CAST: variants seen among roughly 807,000 people sequenced by gnomAD.
CAST encodes MIR583 host.
CAST carries 76 observed loss-of-function variants against 119.6 expected under a neutral mutation model. The observed-to-expected ratio is 0.64, with a 90% CI of 0.53 to 0.77. CAST has a LOEUF of 0.77. Ranked by LOEUF, CAST falls within the 30% of genes least tolerant of loss-of-function variation. The pLI, the probability that CAST is intolerant of heterozygous loss-of-function variation, is 0.00. For missense variants in CAST, 953 were observed against 946.5 expected (o/e 1.01, Z -0.09); for synonymous variants, 319 against 331.6 (o/e 0.96, Z 0.41).
chr5:96,061,721 G>A, the CAST span, among the ~76,000 whole-genome samples: 1 of 151,900 alleles, frequency 6.6e-6, no homozygotes, highest in East Asian at 1.9e-4. Flanking sequence ...ATGAAGTCAT[G>A]GACTATGGAA....
At chr5:96,297,602 A>G in the CAST span, among the ~76,000 whole-genome samples, 4 of 152,334 alleles carry the variant, frequency 2.6e-5, no homozygotes, top group Admixed American at 6.5e-5. Flanking sequence ...TCTTGCTGTT[A>G]ACTAAGCAGG....
chr5:96,005,847 T>A, the CAST span, among the ~76,000 whole-genome samples: 1 of 152,136 alleles, frequency 6.6e-6, no homozygotes, highest in African/African-American at 2.4e-5. Context: ...TACAACGTAA[T>A]GCATACTCTA....
chr5:96,283,634 T>C, the CAST span, among the ~76,000 whole-genome samples: 6 of 152,232 alleles, frequency 3.9e-5, no homozygotes, highest in Non-Finnish European at 7.3e-5. Flanking sequence ...CAGCATCCAC[T>C]GTTGAACAAT....
chr5:96,182,799 C>A, the CAST span, among the ~76,000 whole-genome samples: 1 of 151,946 alleles, frequency 6.6e-6, no homozygotes, highest in East Asian at 1.9e-4. Flanking sequence ...TTACTTTTTG[C>A]GGGTGTTTGT....
At chr5:96,491,976 C>A in the CAST span, among the ~76,000 whole-genome samples, 1 of 152,186 alleles carries the variant, frequency 6.6e-6, no homozygotes, top group South Asian at 2.1e-4. Flanking sequence ...GTATAACATT[C>A]ATCTCCAGAG....
the CAST span, among the ~76,000 whole-genome samples, chr5:96,470,099 G>C: frequency 6.6e-6 from 1 of 150,748 alleles, no homozygotes; most frequent in Non-Finnish European, 1.5e-5. Context: ...CCAAGATCCC[G>C]GGCTCAACTT....
At chr5:96,093,555 C>A in the CAST span, among the ~76,000 whole-genome samples, 1 of 152,160 alleles carries the variant, frequency 6.6e-6, no homozygotes, top group Non-Finnish European at 1.5e-5. Context: ...TATGCAGGAC[C>A]TTAGAAGTGT....
At chr5:96,743,836 A>C in intron 16 of CAST, 1 of 906,886 alleles carries the variant, frequency 1.1e-6, no homozygotes, top group Non-Finnish European at 1.6e-6. Context: ...TGTCATCTTG[A>C]GGAAAGCGGG....
chr5:96,684,928 A>T (rs1418994097), intron 2 of CAST, among the ~76,000 whole-genome samples: 1 of 152,090 alleles, frequency 6.6e-6, no homozygotes, highest in Non-Finnish European at 1.5e-5. Flanking sequence ...CTTTTTAAAA[A>T]GAATATGAAA....
chr5:96,703,835 T>A (rs955457433), intron 3 of CAST, among the ~76,000 whole-genome samples: 2 of 152,232 alleles, frequency 1.3e-5, no homozygotes, highest in Non-Finnish European at 2.9e-5. Flanking sequence ...TGGCATCTAC[T>A]GTTCAAAAGG....
chr5:96,648,706 T>TTA (rs1308827858), intron 1 of CAST, among the ~76,000 whole-genome samples: 3 of 130,522 alleles, frequency 2.3e-5, no homozygotes, highest in African/African-American at 8.7e-5. Flanking sequence ...GAAGTTTTAT[T>TTA]TATATATATG....
the CAST span, among the ~76,000 whole-genome samples, chr5:96,030,425 G>GA: frequency 6.6e-6 from 1 of 152,192 alleles, no homozygotes; most frequent in African/African-American, 2.4e-5. Flanking sequence ...TGAGATTTAT[G>GA]AAATAGCCAG....
intron 1 of CAST, among the ~76,000 whole-genome samples, chr5:96,615,872 G>A (rs1993456): frequency 0.24 from 36,769 of 151,920 alleles, 5,152 homozygotes; most frequent in African/African-American, 0.37. Context: ...AACTCACATG[G>A]TCACAAGGTC....
chr5:96,355,620 G>C, the CAST span, among the ~76,000 whole-genome samples: 1 of 152,140 alleles, frequency 6.6e-6, no homozygotes, highest in African/African-American at 2.4e-5. Flanking sequence ...TTCCACAATA[G>C]TTGAAATAAT....
intron 1 of CAST, among the ~76,000 whole-genome samples, chr5:96,555,214 A>G (rs575891397): frequency 7.9e-4 from 121 of 152,244 alleles, no homozygotes; most frequent in Non-Finnish European, 1.6e-3. Flanking sequence ...ATGGAGTACT[A>G]TGCAGCCATA....
In CAST at chr5:96,648,410, T is replaced by G. The variant is rs376201983; in HGVS notation, c.61-27129T>G. Among the ~76,000 whole-genome samples, 51 of 152,306 alleles carry G rather than the reference T, an allele frequency of 3.3e-4. 1 individual carries two copies. In the South Asian group the frequency reaches 9.5e-3, roughly 28 times the overall value. ...TCTCTGTATATTTAATATTTAGGTATATTTAAGTTTATATATTTAAGTTTC... is the reference window on the plus strand; with the variant it reads ...TCTCTGTATATTTAATATTTAGGTAGATTTAAGTTTATATATTTAAGTTTC... On this transcript the variant is annotated intron_variant, in intron 1 of 11. Coordinates refer to the CAST transcript ENST00000505143.
the CAST span, among the ~76,000 whole-genome samples, chr5:96,404,506 C>T: frequency 6.6e-6 from 1 of 152,218 alleles, no homozygotes; most frequent in Admixed American, 6.5e-5. Context: ...TTCCTTTTCT[C>T]CTCCCATTCC....
At chr5:96,347,954 C>T in the CAST span, among the ~76,000 whole-genome samples, 1 of 152,072 alleles carries the variant, frequency 6.6e-6, no homozygotes, top group Non-Finnish European at 1.5e-5. Context: ...ACCCCCAAAC[C>T]CCAATAGTTA....
At chr5:96,509,339 T>G in the CAST span, among the ~76,000 whole-genome samples, 1 of 152,204 alleles carries the variant, frequency 6.6e-6, no homozygotes, top group South Asian at 2.1e-4. Context: ...AACTATCTAG[T>G]GGTTCAAATC....
Sources: allele counts gnomAD v4.1 joint callset (sites outside exome capture counted in the v4.1 genomes callset), GRCh38; gene constraint gnomAD v4.1.1; transcripts MANE v1.5; gene names NCBI Gene and HGNC (gene_info 2026-07-23, HGNC 2026-07-21).